The following UNC13C variants were observed in gnomAD, a reference collection of about 807,000 sequenced individuals.
The protein encoded by UNC13C is protein unc-13 homolog C.
In UNC13C, 174 loss-of-function variants were observed where a neutral mutation model predicts 245.4. The observed-to-expected ratio is 0.71, with a 90% CI of 0.63 to 0.80. The LOEUF (loss-of-function observed/expected upper bound fraction) is 0.80, where lower values mean the gene tolerates loss of function less well. Ranked by LOEUF, UNC13C falls within the 30% of genes least tolerant of loss-of-function variation. UNC13C has a pLI of 0.00. For missense variants in UNC13C, 2,829 were observed against 2,602.9 expected (o/e 1.09, Z -1.89); for synonymous variants, 992 against 895.1 (o/e 1.11, Z -1.93).
chr15:54,214,003 T>C (rs867196018), intron 4 of UNC13C, among the ~76,000 whole-genome samples: 1 of 152,018 alleles, frequency 6.6e-6, no homozygotes, highest in Non-Finnish European at 1.5e-5. Flanking sequence ...AGAGAAACTT[T>C]TAAAAATTGA....
intron 2 of UNC13C, among the ~76,000 whole-genome samples, chr15:54,046,134 T>C (rs1897026124): frequency 1.3e-5 from 2 of 152,194 alleles, no homozygotes; most frequent in Admixed American, 1.3e-4. Flanking sequence ...TGCTACATAA[T>C]ACCCCTTTCT....
At chr15:54,405,920 G>C (rs1244656912) in intron 18 of UNC13C, among the ~76,000 whole-genome samples, 1 of 152,058 alleles carries the variant, frequency 6.6e-6, no homozygotes, top group Non-Finnish European at 1.5e-5. Flanking sequence ...TACATATGTA[G>C]GTATTGAGAA....
At chr15:54,551,682 A>C (rs1367373350) in intron 28 of UNC13C, among the ~76,000 whole-genome samples, 1 of 152,118 alleles carries the variant, frequency 6.6e-6, no homozygotes, top group Non-Finnish European at 1.5e-5. Flanking sequence ...AATAACATGA[A>C]GGACTAAAGA....
intron 1 of UNC13C, among the ~76,000 whole-genome samples, chr15:54,002,052 C>T (rs1434816364): frequency 1.3e-5 from 2 of 152,146 alleles, no homozygotes; most frequent in South Asian, 2.1e-4. Context: ...TTTGGGAGGC[C>T]GAGGCGGGTG....
chr15:54,511,562 A>G (rs777158850), intron 23 of UNC13C, among the ~76,000 whole-genome samples, 191 bp from the exon 24 acceptor site: 5 of 152,110 alleles, frequency 3.3e-5, no homozygotes, highest in Non-Finnish European at 7.4e-5. Context: ...TCATTCCCCA[A>G]TGTGGCATTA....
chr15:54,224,136 T>A (rs1203509832), intron 4 of UNC13C, among the ~76,000 whole-genome samples: 2 of 152,042 alleles, frequency 1.3e-5, no homozygotes, highest in Non-Finnish European at 2.9e-5. Context: ...ATATCTTTTG[T>A]CTGATTACTC....
chr15:54,512,201 G>A (rs1218327558), intron 24 of UNC13C: 1 of 394,068 alleles, frequency 2.5e-6, no homozygotes, highest in African/African-American at 2.1e-5. Context: ...TGTTTATTCT[G>A]CAATATGCTT....
chr15:54,384,866 T>C (rs1281601382), intron 17 of UNC13C, among the ~76,000 whole-genome samples: 1 of 152,044 alleles, frequency 6.6e-6, no homozygotes, highest in African/African-American at 2.4e-5. Context: ...AATAGATATT[T>C]CCCAAAAGAA....
At chr15:54,481,601 G>C (rs1348541730) in intron 19 of UNC13C, among the ~76,000 whole-genome samples, 1 of 152,114 alleles carries the variant, frequency 6.6e-6, no homozygotes, top group Non-Finnish European at 1.5e-5. Flanking sequence ...GTCTGGTGAG[G>C]CTGGGCTCTC....
chr15:54,227,808 G>T (rs372047624), intron 4 of UNC13C, among the ~76,000 whole-genome samples: 1 of 152,150 alleles, frequency 6.6e-6, no homozygotes, highest in African/African-American at 2.4e-5. Context: ...TCTTGAAGCC[G>T]GTATAGTACT....
chr15:54,381,910 A>G (rs2039733911), intron 17 of UNC13C, among the ~76,000 whole-genome samples: 1 of 152,216 alleles, frequency 6.6e-6, no homozygotes, highest in Admixed American at 6.5e-5. Flanking sequence ...TGAATCTAAC[A>G]GATACTTACA....
the UNC13C span, among the ~76,000 whole-genome samples, chr15:53,887,092 G>C: frequency 1.4e-4 from 21 of 152,068 alleles, no homozygotes; most frequent in African/African-American, 4.8e-4. Flanking sequence ...GAGTAACTAT[G>C]GACTTTGGTT....
intron 22 of UNC13C, among the ~76,000 whole-genome samples, chr15:54,502,334 G>T (rs1487940213): frequency 6.6e-6 from 1 of 152,128 alleles, no homozygotes; most frequent in Non-Finnish European, 1.5e-5. Context: ...CCAGAATATA[G>T]ATAAAGAAGC....
chr15:54,163,714 C>G (rs1379639519), intron 4 of UNC13C, among the ~76,000 whole-genome samples: 1 of 152,100 alleles, frequency 6.6e-6, no homozygotes. Context: ...TTATGCTGTG[C>G]TAGGTATTAT....
chr15:53,943,813 G>A, the UNC13C span, among the ~76,000 whole-genome samples: 1 of 151,992 alleles, frequency 6.6e-6, no homozygotes, highest in Admixed American at 6.6e-5. Context: ...TGTACGTGTA[G>A]GATTGCTATA....
intron 32 of UNC13C, 84 bp downstream of exon 32, chr15:54,624,038 G>T: frequency 6.6e-7 from 1 of 1,524,388 alleles, no homozygotes; most frequent in South Asian, 1.2e-5. Flanking sequence ...GAGTGTGAAG[G>T]GCTAAGGAAA....
chr15:54,592,205 A>G (rs1416879853), intron 30 of UNC13C, among the ~76,000 whole-genome samples: 3 of 152,132 alleles, frequency 2.0e-5, no homozygotes, highest in Non-Finnish European at 4.4e-5. Context: ...GGCTCATTTT[A>G]TGGCCTATCA....
intron 8 of UNC13C, among the ~76,000 whole-genome samples, chr15:54,261,587 G>A (rs2036426567): frequency 6.6e-6 from 1 of 152,256 alleles, no homozygotes; most frequent in South Asian, 2.1e-4. Context: ...CTGTCGCCCA[G>A]GCTGCGGTGC....
intron 30 of UNC13C, among the ~76,000 whole-genome samples, chr15:54,583,564 G>A (rs918951203): frequency 1.3e-5 from 2 of 151,992 alleles, no homozygotes; most frequent in African/African-American, 4.8e-5. Context: ...AAACCAAAGG[G>A]GTTATTTCCA....
Sources: allele counts gnomAD v4.1 joint callset (sites outside exome capture counted in the v4.1 genomes callset), GRCh38; gene constraint gnomAD v4.1.1; transcripts MANE v1.5; gene names NCBI Gene and HGNC (gene_info 2026-07-23, HGNC 2026-07-21).